The following ALDH18A1 variants were observed in gnomAD, a reference collection of about 807,000 sequenced individuals.
ALDH18A1 encodes aldehyde dehydrogenase 18 family member A1, also known as delta-1-pyrroline-5-carboxylate synthase.
In ALDH18A1, 44 loss-of-function variants were observed where a neutral mutation model predicts 88.8. The ratio of observed to expected loss-of-function variants is 0.50; its 90% CI spans 0.39 to 0.64. The LOEUF (loss-of-function observed/expected upper bound fraction) is 0.64, where lower values mean the gene tolerates loss of function less well. ALDH18A1 is among the 30% of genes least tolerant of loss of function. ALDH18A1 has a pLI of 0.00. For synonymous variants in ALDH18A1, 331 were observed against 372.1 expected, an observed-to-expected ratio of 0.89 and a Z score of 1.27; for missense variants, 782 against 1,009.5, an observed-to-expected ratio of 0.77 and a Z score of 3.05.
At chr10:95,625,682 C>CT (rs202013780) in intron 10 of ALDH18A1, among the ~76,000 whole-genome samples, 287 of 149,882 alleles carry the variant, frequency 1.9e-3, no homozygotes, top group Non-Finnish European at 3.1e-3. Context: ...ACTTTTCCTC[C>CT]TTTTTTTTTC....
chr10:95,639,868 T>A (rs1278944157), intron 3 of ALDH18A1, among the ~76,000 whole-genome samples: 2 of 152,114 alleles, frequency 1.3e-5, no homozygotes, highest in Non-Finnish European at 2.9e-5. Flanking sequence ...TGTGTCCTTA[T>A]GGTATTAATA....
At chr10:95,609,769 AT>A (rs55659918) in intron 17 of ALDH18A1, among the ~76,000 whole-genome samples, 14 of 114,222 alleles carry the variant, frequency 1.2e-4, no homozygotes, top group African/African-American at 2.4e-4. Flanking sequence ...GTCTGTCTCT[AT>A]TTTTTTTTTT....
chr10:95,624,140 A>C (rs908747009), intron 11 of ALDH18A1, among the ~76,000 whole-genome samples: 5 of 152,258 alleles, frequency 3.3e-5, no homozygotes, highest in African/African-American at 1.2e-4. Flanking sequence ...CCTGGCCTAA[A>C]GACCTATTTT....
At chr10:95,630,574 G>C (rs1161090087) in intron 7 of ALDH18A1, among the ~76,000 whole-genome samples, 2 of 139,120 alleles carry the variant, frequency 1.4e-5, no homozygotes, top group East Asian at 3.9e-4. Flanking sequence ...AGCCAGGCGT[G>C]ATAGCGCACA....
At chr10:95,639,742 G>T (rs2097887819) in intron 3 of ALDH18A1, among the ~76,000 whole-genome samples, 4 of 151,998 alleles carry the variant, frequency 2.6e-5, no homozygotes, top group Admixed American at 2.6e-4. Flanking sequence ...TAATTGAAGT[G>T]TCTCTCAAGT....
rs918343708 is a variant in ALDH18A1, at chr10:95,628,919, A to G, written c.809-427T>C. The G allele has an allele frequency of 2.8e-5, 7 of 248,958 alleles. No individual in the cohort carries two copies. The East Asian group carries it at 6.6e-4, about 24-fold the overall frequency. 15.4% of individuals were successfully genotyped at this position (248,958 alleles called of 1,614,324 possible). A position where few individuals can be genotyped will look rare whatever the true frequency, so the allele number is the denominator to read the frequency against. On this transcript the variant is annotated intron_variant, in intron 7 of 17. Transcript: ENST00000371224. ...AATGTGACTGTTTCCAAGCAGGATG[A>G]AATGCAACAGAGGTACTCATTAACT...
At chr10:95,620,720 C>T (rs1423661294) in intron 12 of ALDH18A1, among the ~76,000 whole-genome samples, 2 of 144,794 alleles carry the variant, frequency 1.4e-5, no homozygotes, top group African/African-American at 5.2e-5. Flanking sequence ...TGTTCTCACT[C>T]GTAGGTGGGA....
At chr10:95,630,034 T>G (rs1256537638) in intron 7 of ALDH18A1, among the ~76,000 whole-genome samples, 1 of 152,164 alleles carries the variant, frequency 6.6e-6, no homozygotes, top group Non-Finnish European at 1.5e-5. Context: ...GTCAAGCACT[T>G]GCTATGTGAC....
intron 2 of ALDH18A1, among the ~76,000 whole-genome samples, chr10:95,652,275 G>A (rs116907951): frequency 0.034 from 5,122 of 152,340 alleles, 118 homozygotes; most frequent in Non-Finnish European, 0.049. Context: ...TGATTGAAAT[G>A]TTCTGTATCT....
intron 2 of ALDH18A1, among the ~76,000 whole-genome samples, chr10:95,645,908 T>C (rs573874623): frequency 1.3e-5 from 2 of 152,322 alleles, no homozygotes; most frequent in East Asian, 3.9e-4. Context: ...ATTAATAATA[T>C]AGGTACCCTA....
Position 95,642,892 on chromosome 10 carries a change from A to G in ALDH18A1, c.303+100T>C, listed in dbSNP as rs1044810659. ...GGGTTAAATCTACTGCACTGAAATC[A>G]CAATTATTTTTTTAAGTTGATGAGC... On this transcript the variant is annotated intron_variant, in intron 3 of 17. Coordinates refer to ENST00000371224, the MANE Select transcript of ALDH18A1 (RefSeq NM_002860.4). 5 of 1,245,804 alleles carry G rather than the reference A, an allele frequency of 4.0e-6. No homozygotes were observed. In the African/African-American group the frequency reaches 7.4e-5, roughly 19 times the overall value. The allele number at this position is 1,245,804 out of a possible 1,614,324, so 77.2% of individuals were successfully genotyped here. A position where few individuals can be genotyped will look rare whatever the true frequency, so the allele number is the denominator to read the frequency against.
chr10:95,645,928 C>T (rs556072194), intron 2 of ALDH18A1, among the ~76,000 whole-genome samples: 2 of 152,294 alleles, frequency 1.3e-5, no homozygotes, highest in South Asian at 4.1e-4. Flanking sequence ...ACTCTGCTTT[C>T]AGGAATATTA....
intron 11 of ALDH18A1, among the ~76,000 whole-genome samples, chr10:95,622,856 A>G (rs1421480399): frequency 6.6e-6 from 1 of 152,180 alleles, no homozygotes; most frequent in African/African-American, 2.4e-5. Flanking sequence ...TTTAAAAAAC[A>G]GTAGTATGCA....
intron 15 of ALDH18A1, among the ~76,000 whole-genome samples, chr10:95,613,240 A>G (rs1425347294): frequency 6.6e-6 from 1 of 152,248 alleles, no homozygotes; most frequent in Non-Finnish European, 1.5e-5. Context: ...AACCTTAACA[A>G]TATAGTAAAA....
chr10:95,620,947 A>G, intron 12 of ALDH18A1, 84 bp downstream of exon 12: 1 of 1,371,986 alleles, frequency 7.3e-7, no homozygotes, highest in Non-Finnish European at 1.0e-6. Context: ...AAAAAAAAAA[A>G]AAGAAAAGAA....
At chr10:95,652,076 T>C (rs1363559739) in intron 2 of ALDH18A1, among the ~76,000 whole-genome samples, 1 of 152,224 alleles carries the variant, frequency 6.6e-6, no homozygotes, top group Admixed American at 6.5e-5. Context: ...ACACAGCAAC[T>C]TGAATGAATC....
Position 95,606,661 on chromosome 10 carries a change from A to G in ALDH18A1, c.*101T>C, listed in dbSNP as rs1241825062. 3.1e-6 allele frequency: 5 copies of G among 1,610,154 alleles called. No individual in the cohort carries two copies. The highest frequency in any genetic ancestry group is 1.3e-5 in the African/African-American group (1 of 74,872). Reference sequence around the variant, plus strand: ...TCCAGGTACACTTTCCAACAGGCAGACCCTACCAGGAACTGGGAGACAAGA... The same window carrying G: ...TCCAGGTACACTTTCCAACAGGCAGGCCCTACCAGGAACTGGGAGACAAGA... On this transcript the variant is annotated 3_prime_UTR_variant, in exon 18 of 18. Transcript: ENST00000371224.
chr10:95,632,392 G>T (rs2097871813), intron 7 of ALDH18A1, among the ~76,000 whole-genome samples: 1 of 152,112 alleles, frequency 6.6e-6, no homozygotes, highest in East Asian at 1.9e-4. Flanking sequence ...TTGAGATAGG[G>T]TCTCGCTCTG....
intron 5 of ALDH18A1, among the ~76,000 whole-genome samples, chr10:95,636,025 T>C (rs775850023): frequency 7.9e-5 from 12 of 152,140 alleles, no homozygotes; most frequent in Non-Finnish European, 1.8e-4. Context: ...CTACAGAAAG[T>C]GGGGTCCCCA....
Sources: gnomAD v4.1 joint callset for allele counts (sites outside exome capture counted in the v4.1 genomes callset) on GRCh38, gnomAD v4.1.1 for gene constraint, MANE v1.5 for transcripts, NCBI Gene and HGNC (gene_info 2026-07-23, HGNC 2026-07-21) for gene names.